The following QTGAL variants were observed in gnomAD, a reference collection of about 807,000 sequenced individuals.
The protein encoded by QTGAL is BGnT-like protein 1.
the QTGAL span, chr17:82,942,176 G>A: frequency 1.8e-6 from 1 of 551,314 alleles, no homozygotes; most frequent in African/African-American, 1.9e-5. Context: ...ATTTTTATTA[G>A]GAAAAATTTC....
the QTGAL span, among the ~76,000 whole-genome samples, chr17:82,974,130 G>T: frequency 0.8 from 121,748 of 152,204 alleles, 49,003 homozygotes; most frequent in African/African-American, 0.89. Flanking sequence ...CCTCCAGTCT[G>T]AGCCGGTTCC....
the QTGAL span, among the ~76,000 whole-genome samples, chr17:82,977,872 C>T: frequency 2.0e-5 from 3 of 152,250 alleles, no homozygotes; most frequent in East Asian, 1.9e-4. Context: ...GTACTTCCTG[C>T]GGTTTCTGTC....
chr17:82,955,797 C>CACA, the QTGAL span, among the ~76,000 whole-genome samples: 2 of 152,048 alleles, frequency 1.3e-5, no homozygotes, highest in Non-Finnish European at 2.9e-5. Context: ...GCACATATAG[C>CACA]CCATGGAATA....
the QTGAL span, among the ~76,000 whole-genome samples, chr17:83,033,986 G>A: frequency 6.6e-6 from 1 of 151,916 alleles, no homozygotes; most frequent in Non-Finnish European, 1.5e-5. Flanking sequence ...TGTCTCCCAG[G>A]CTGGAGTGCA....
At chr17:82,981,422 A>G in the QTGAL span, 1 of 152,296 alleles carries the variant, frequency 6.6e-6, no homozygotes, top group African/African-American at 2.4e-5. Flanking sequence ...AACTGTTTAA[A>G]GGCATTTGTC....
chr17:82,987,441 A>C, the QTGAL span, among the ~76,000 whole-genome samples: 1 of 152,250 alleles, frequency 6.6e-6, no homozygotes, highest in Non-Finnish European at 1.5e-5. Flanking sequence ...ACACTCAAGT[A>C]CACTAATGAC....
At chr17:83,019,065 C>T in the QTGAL span, among the ~76,000 whole-genome samples, 1 of 152,156 alleles carries the variant, frequency 6.6e-6, no homozygotes, top group African/African-American at 2.4e-5. Flanking sequence ...AGGAGACGCA[C>T]GATGACGCCG....
the QTGAL span, among the ~76,000 whole-genome samples, chr17:83,045,660 G>A: frequency 1.3e-5 from 2 of 151,934 alleles, no homozygotes; most frequent in East Asian, 3.8e-4. Context: ...CCCAAAGAAC[G>A]GGAAAAAAAT....
At chr17:82,963,242 G>A in the QTGAL span, among the ~76,000 whole-genome samples, 68 of 152,206 alleles carry the variant, frequency 4.5e-4, no homozygotes, top group Non-Finnish European at 6.2e-4. Context: ...GTGGAGACTC[G>A]GATCCTGAGG....
At chr17:83,033,767 G>A in the QTGAL span, among the ~76,000 whole-genome samples, 48 of 151,512 alleles carry the variant, frequency 3.2e-4, no homozygotes, top group Non-Finnish European at 5.9e-4. Flanking sequence ...CACCGCGCCC[G>A]GCCTAAGTTA....
At chr17:82,972,586 C>CA in the QTGAL span, among the ~76,000 whole-genome samples, 1 of 71,584 alleles carries the variant, frequency 1.4e-5, no homozygotes, top group Admixed American at 1.3e-4. Flanking sequence ...CACCACACCA[C>CA]GGGCCAGAAG....
the QTGAL span, among the ~76,000 whole-genome samples, chr17:82,975,778 G>A: frequency 8.8e-6 from 1 of 113,562 alleles, no homozygotes; most frequent in Non-Finnish European, 1.7e-5. Flanking sequence ...GGGGAACGAG[G>A]GCCCCGGGAC....
the QTGAL span, chr17:83,007,018 G>T: frequency 2.7e-6 from 1 of 372,180 alleles, no homozygotes; most frequent in Non-Finnish European, 3.7e-6. Context: ...CCGTTCTGAT[G>T]GCACCGTGCT....
chr17:82,957,061 G>T, the QTGAL span: 1 of 1,356,022 alleles, frequency 7.4e-7, no homozygotes, highest in Non-Finnish European at 1.0e-6. Context: ...CTCCCTGGAG[G>T]CCCCGAGGAG....
chr17:83,013,707 C>T, the QTGAL span, among the ~76,000 whole-genome samples: 2 of 151,956 alleles, frequency 1.3e-5, no homozygotes, highest in Non-Finnish European at 2.9e-5. Context: ...CACAGCCCCG[C>T]GGGGGGAGGG....
chr17:82,947,947 G>A, the QTGAL span: 6,145 of 152,318 alleles, frequency 0.04, 243 homozygotes, highest in African/African-American at 0.1. Flanking sequence ...TGTTGACACC[G>A]TCTTAAACAA....
chr17:82,964,717 G>GT, the QTGAL span, among the ~76,000 whole-genome samples: 1 of 129,648 alleles, frequency 7.7e-6, no homozygotes, highest in African/African-American at 2.9e-5. Context: ...CCCCCACGGG[G>GT]GGACGGGGAC....
the QTGAL span, chr17:83,005,617 T>C: frequency 1.4e-6 from 1 of 702,868 alleles, no homozygotes; most frequent in African/African-American, 1.7e-5. The surrounding 1 kb of genome is among the most constrained non-coding windows in gnomAD (Gnocchi z 5.6). Flanking sequence ...AACCGCTGCC[T>C]GTCCGCAGGC....
chr17:82,987,036 C>T, the QTGAL span, among the ~76,000 whole-genome samples: 1 of 152,190 alleles, frequency 6.6e-6, no homozygotes, highest in Non-Finnish European at 1.5e-5. Flanking sequence ...ACACCATAAT[C>T]CAGGATGTTG....
Sources: allele counts gnomAD v4.1 joint callset (sites outside exome capture counted in the v4.1 genomes callset), GRCh38; gene constraint gnomAD v4.1.1; non-coding constraint Gnocchi (gnomAD v3.1); transcripts MANE v1.5; gene names NCBI Gene and HGNC (gene_info 2026-07-23, HGNC 2026-07-21).